The following ABCD2 variants were observed in gnomAD, a reference collection of about 807,000 sequenced individuals.
ABCD2 encodes ATP binding cassette subfamily D member 2.
A neutral mutation model predicts 70.9 loss-of-function variants in ABCD2; 36 were observed. The observed-to-expected ratio is 0.51, with a 90% CI of 0.39 to 0.67. ABCD2 has a LOEUF of 0.67. ABCD2 is among the 30% of genes least tolerant of loss of function. The pLI, the probability that ABCD2 is intolerant of heterozygous loss-of-function variation, is 0.00. For synonymous variants in ABCD2, 304 were observed against 306.9 expected, an observed-to-expected ratio of 0.99 and a Z score of 0.10; for missense variants, 729 against 890.2, an observed-to-expected ratio of 0.82 and a Z score of 2.30.
At chr12:39,541,191 C>T in the ABCD2 span, among the ~76,000 whole-genome samples, 1 of 152,092 alleles carries the variant, frequency 6.6e-6, no homozygotes, top group Non-Finnish European at 1.5e-5. Flanking sequence ...AATAGTAAAA[C>T]TGCAATTACG....
chr12:39,533,286 T>A, the ABCD2 span, among the ~76,000 whole-genome samples: 1 of 152,206 alleles, frequency 6.6e-6, no homozygotes, highest in Non-Finnish European at 1.5e-5. Flanking sequence ...TCCTTATACA[T>A]CTTGACTTTT....
chr12:39,536,546 A>G, the ABCD2 span, among the ~76,000 whole-genome samples: 8 of 152,370 alleles, frequency 5.3e-5, no homozygotes, highest in East Asian at 1.5e-3. Context: ...TTCTGATTTT[A>G]ACGGGAACCA....
chr12:39,566,530 A>G (rs986564182), intron 9 of ABCD2, among the ~76,000 whole-genome samples: 11 of 151,746 alleles, frequency 7.2e-5, no homozygotes, highest in Admixed American at 2.6e-4. Context: ...TTTCTTCTCT[A>G]TTAGTCTTGC....
At chr12:39,589,929 G>T (rs1348948723) in intron 6 of ABCD2, among the ~76,000 whole-genome samples, 1 of 152,084 alleles carries the variant, frequency 6.6e-6, no homozygotes, top group Admixed American at 6.6e-5. Context: ...AGCAACTAAA[G>T]CCGCTTAGGT....
At chr12:39,571,977 A>G (rs1285953695) in intron 9 of ABCD2, among the ~76,000 whole-genome samples, 2 of 152,202 alleles carry the variant, frequency 1.3e-5, no homozygotes, top group African/African-American at 4.8e-5. Context: ...AGAAATGACA[A>G]CCTGAAATGG....
At chr12:39,563,667 C>T (rs1591968931) in intron 9 of ABCD2, among the ~76,000 whole-genome samples, 1 of 151,964 alleles carries the variant, frequency 6.6e-6, no homozygotes, top group Admixed American at 6.6e-5. Flanking sequence ...GGGTACATGT[C>T]CACAACATGC....
chr12:39,547,896 G>C (rs993988204), downstream of ABCD2, among the ~76,000 whole-genome samples: 1 of 152,018 alleles, frequency 6.6e-6, no homozygotes, highest in South Asian at 2.1e-4. Context: ...GGTTGTGTGT[G>C]TATATGTGTA....
the ABCD2 span, among the ~76,000 whole-genome samples, chr12:39,531,954 A>G: frequency 6.6e-6 from 1 of 152,248 alleles, no homozygotes; most frequent in Non-Finnish European, 1.5e-5. Context: ...TGACTGCCAC[A>G]GTGTTGAAAG....
chr12:39,618,460 C>G (rs1479313423), intron 1 of ABCD2, among the ~76,000 whole-genome samples: 2 of 152,046 alleles, frequency 1.3e-5, no homozygotes, highest in Non-Finnish European at 2.9e-5. Context: ...AAATTTTATT[C>G]TTCTGAAACT....
At chr12:39,609,558 T>G (rs1942017368) in intron 2 of ABCD2, among the ~76,000 whole-genome samples, 1 of 152,198 alleles carries the variant, frequency 6.6e-6, no homozygotes, top group African/African-American at 2.4e-5. Context: ...GGTTGTTACT[T>G]TAATCTTTTC....
intron 6 of ABCD2, among the ~76,000 whole-genome samples, chr12:39,591,009 A>G (rs1368691505): frequency 6.6e-6 from 1 of 152,180 alleles, no homozygotes; most frequent in Non-Finnish European, 1.5e-5. Flanking sequence ...AAGTAATCAT[A>G]TAAAATTTAA....
intron 9 of ABCD2, among the ~76,000 whole-genome samples, chr12:39,559,232 C>T (rs765054663): frequency 5.9e-5 from 9 of 151,630 alleles, no homozygotes; most frequent in South Asian, 4.2e-4. Context: ...ATTAGCCCAG[C>T]GTGGTGGTGT....
intron 9 of ABCD2, among the ~76,000 whole-genome samples, chr12:39,555,916 A>G (rs1275563982): frequency 6.6e-6 from 1 of 152,170 alleles, no homozygotes; most frequent in African/African-American, 2.4e-5. Context: ...CTTGGTGGTC[A>G]AGGGATTCCA....
chr12:39,567,777 C>T (rs2120573070), intron 9 of ABCD2, among the ~76,000 whole-genome samples: 1 of 152,284 alleles, frequency 6.6e-6, no homozygotes, highest in South Asian at 2.1e-4. Flanking sequence ...TTGTTCCTTT[C>T]CATGTTTAGT....
intron 7 of ABCD2, among the ~76,000 whole-genome samples, chr12:39,581,658 CT>C (rs1008786823): frequency 3.9e-5 from 6 of 151,964 alleles, no homozygotes; most frequent in Non-Finnish European, 5.9e-5. Context: ...CTGGGCTTAA[CT>C]TTTTTTTCCC....
chr12:39,538,117 C>T, the ABCD2 span, among the ~76,000 whole-genome samples: 1 of 151,838 alleles, frequency 6.6e-6, no homozygotes, highest in African/African-American at 2.4e-5. Flanking sequence ...GCTCTTGAGC[C>T]CCTATGCTTG....
At chr12:39,569,675 A>T (rs1941418540) in intron 9 of ABCD2, among the ~76,000 whole-genome samples, 1 of 152,100 alleles carries the variant, frequency 6.6e-6, no homozygotes, top group Non-Finnish European at 1.5e-5. Context: ...TGAACCCGGT[A>T]CCTCAGTTGG....
intron 5 of ABCD2, among the ~76,000 whole-genome samples, chr12:39,603,441 T>C (rs1941927533): frequency 6.6e-6 from 1 of 152,074 alleles, no homozygotes. Flanking sequence ...TAAATTCCAA[T>C]CCATAAATCT....
downstream of ABCD2, among the ~76,000 whole-genome samples, chr12:39,545,265 G>A (rs1941015138): frequency 6.6e-6 from 1 of 152,152 alleles, no homozygotes; most frequent in Admixed American, 6.5e-5. Context: ...ATTTGGCTTA[G>A]ATAGGACTCT....
Sources: allele counts gnomAD v4.1 joint callset (sites outside exome capture counted in the v4.1 genomes callset), GRCh38; gene constraint gnomAD v4.1.1; transcripts MANE v1.5; gene names NCBI Gene and HGNC (gene_info 2026-07-23, HGNC 2026-07-21).